Variants in CPS1 observed in about 807,000 individuals in gnomAD.
The protein encoded by CPS1 is carbamoyl-phosphate synthase 1, also known as carbamoyl-phosphate synthase [ammonia], mitochondrial.
In CPS1, 109 loss-of-function variants were observed where a neutral mutation model predicts 174.6. That is an observed-to-expected ratio of 0.62 (90% CI 0.53 to 0.73). The LOEUF (loss-of-function observed/expected upper bound fraction) is 0.73, where lower values mean the gene tolerates loss of function less well. Among genes scored for constraint, CPS1 ranks in the 30% least tolerant of loss-of-function variants. CPS1 has a pLI of 0.00. For missense variants in CPS1, 1,689 were observed against 1,821.9 expected (o/e 0.93, Z 1.33); for synonymous variants, 637 against 632.0 (o/e 1.01, Z -0.12).
chr2:210,616,699 G>GTT (rs76911251), intron 21 of CPS1, among the ~76,000 whole-genome samples, 158 bp downstream of exon 21: 1 of 141,228 alleles, frequency 7.1e-6, no homozygotes, highest in Non-Finnish European at 1.6e-5. Context: ...CAAATGGCAG[G>GTT]TTTTTTTTTT....
chr2:210,522,231 T>C (rs1466262147), intron 1 of CPS1, among the ~76,000 whole-genome samples: 1 of 151,976 alleles, frequency 6.6e-6, no homozygotes, highest in Non-Finnish European at 1.5e-5. Context: ...TTACCAGTAA[T>C]ATGATTTACA....
chr2:210,560,846 G>T (rs1400553428), intron 1 of CPS1, among the ~76,000 whole-genome samples: 1 of 152,124 alleles, frequency 6.6e-6, no homozygotes, highest in Non-Finnish European at 1.5e-5. Context: ...TGGGGATGGG[G>T]TTATCACACA....
chr2:210,614,675 A>C (rs907043428), intron 20 of CPS1, among the ~76,000 whole-genome samples: 1 of 151,972 alleles, frequency 6.6e-6, no homozygotes, highest in Non-Finnish European at 1.5e-5. Context: ...TAAATGTGGC[A>C]CATATACACC....
intron 1 of CPS1, among the ~76,000 whole-genome samples, chr2:210,518,434 C>T (rs968962903): frequency 2.6e-5 from 4 of 151,910 alleles, no homozygotes; most frequent in Non-Finnish European, 4.4e-5. Context: ...TAGATGTGGC[C>T]ATTTACTGTG....
intron 32 of CPS1, among the ~76,000 whole-genome samples, chr2:210,662,051 G>A (rs980956798): frequency 2.0e-5 from 3 of 151,310 alleles, no homozygotes; most frequent in Non-Finnish European, 2.9e-5. Flanking sequence ...AGGTAGCTGG[G>A]ATTATAAGCA....
chr2:210,629,141 G>A (rs1250293272), intron 21 of CPS1, among the ~76,000 whole-genome samples: 1 of 152,108 alleles, frequency 6.6e-6, no homozygotes, highest in Non-Finnish European at 1.5e-5. Flanking sequence ...AAAATCCAGA[G>A]TTTTGCTTAC....
chr2:210,668,107 T>TGTG, intron 33 of CPS1, 79 bp from the exon 34 acceptor site: 18 of 874,236 alleles, frequency 2.1e-5, no homozygotes, highest in Admixed American at 9.5e-5. Flanking sequence ...TGTGTGTGTA[T>TGTG]TTTAATTTTA....
At chr2:210,487,792 C>T (rs551761216) in intron 1 of CPS1, among the ~76,000 whole-genome samples, 1 of 152,162 alleles carries the variant, frequency 6.6e-6, no homozygotes, top group Admixed American at 6.5e-5. Context: ...TACCTTTGCA[C>T]ATGTTTGTGC....
chr2:210,518,424 T>C (rs1695736723), intron 1 of CPS1, among the ~76,000 whole-genome samples: 1 of 152,034 alleles, frequency 6.6e-6, no homozygotes, highest in Admixed American at 6.6e-5. Context: ...TTCTTGTAGA[T>C]AGATGTGGCC....
At position 210,543,374 on chromosome 2, in the gene CPS1, T is replaced by C. The variant is rs10169037; in HGVS notation, c.4-13345T>C. On this transcript the variant is annotated intron_variant, in intron 1 of 38. Transcript: ENST00000430249. ...GTCTGATTGCCTTTCAGATCTCTCC[T>C]GATAATCTCCCCTGCTTGGTTCAAT... is the stretch of plus-strand genomic sequence containing the variant. 1.2e-3 allele frequency among the ~76,000 whole-genome samples: 189 copies of C among 152,128 alleles called. 2 individuals carry two copies. Among genetic ancestry groups the C allele is most frequent in the African/African-American group, 4.4e-3 (184 of 41,522 alleles).
At chr2:210,531,929 T>G (rs949197383) in intron 1 of CPS1, among the ~76,000 whole-genome samples, 5 of 152,140 alleles carry the variant, frequency 3.3e-5, no homozygotes, top group Admixed American at 3.3e-4. Flanking sequence ...TATACTTCCA[T>G]GTTAAGTTAG....
chr2:210,581,740 A>C (rs533734744), intron 5 of CPS1, among the ~76,000 whole-genome samples: 1 of 152,288 alleles, frequency 6.6e-6, no homozygotes, highest in South Asian at 2.1e-4. Flanking sequence ...CTTGCATGAC[A>C]CATAGGTACT....
At chr2:210,661,144 G>A (rs1268990066) in intron 32 of CPS1, among the ~76,000 whole-genome samples, 1 of 152,170 alleles carries the variant, frequency 6.6e-6, no homozygotes, top group Non-Finnish European at 1.5e-5. Flanking sequence ...TGCTGTATAT[G>A]GTGCTGTGCG....
chr2:210,564,686 A>G (rs912527831), intron 1 of CPS1, among the ~76,000 whole-genome samples: 1 of 150,454 alleles, frequency 6.6e-6, no homozygotes, highest in Non-Finnish European at 1.5e-5. Context: ...TAGAATGCTC[A>G]TTTTAAAAGT....
chr2:210,541,053 G>T (rs1353439695), intron 1 of CPS1, among the ~76,000 whole-genome samples: 1 of 152,154 alleles, frequency 6.6e-6, no homozygotes, highest in Non-Finnish European at 1.5e-5. Context: ...GGATGGAGGG[G>T]TGGATATGCA....
Position 210,577,442 on chromosome 2 carries a change from G to T in CPS1, c.403G>T (p.Asp135Tyr), listed in dbSNP as rs1211504215. ...CTAGGTTTCAGGTTTGCTGGTGCTG[G>T]ATTATAGTAAAGACTACAACCACTG... ...GIKVSGLLVL[D>Y]YSKDYNHWLA... Residue 135 changes from aspartate (D) to tyrosine (Y), a missense_variant, in exon 4 of 38, where the codon GAT becomes TAT. By Grantham distance (160) the Asp-to-Tyr change is radical. Transcript: ENST00000233072. The T allele has an allele frequency of 6.2e-7, 1 of 1,613,818 alleles. No homozygotes were observed. Among genetic ancestry groups the T allele is most frequent in the Admixed American group, 1.7e-5 (1 of 59,978 alleles).
intron 1 of CPS1, among the ~76,000 whole-genome samples, chr2:210,508,767 C>G (rs62203704): frequency 0.41 from 61,812 of 152,044 alleles, 14,174 homozygotes; most frequent in Non-Finnish European, 0.53. Context: ...CGCAAATAAA[C>G]TAGAAAATCT....
chr2:210,663,346 AT>A, intron 33 of CPS1, 149 bp downstream of exon 33: 1 of 754,638 alleles, frequency 1.3e-6, no homozygotes, highest in Non-Finnish European at 2.2e-6. Context: ...TTTAAAAAAT[AT>A]TTTACTTCTA....
In CPS1 at chr2:210,648,508, C is replaced by T. The variant is rs1700454927; in HGVS notation, c.3372C>T (p.Tyr1124=). The T allele has an allele frequency of 1.9e-6, 3 of 1,613,478 alleles. No individual in the cohort carries two copies. The highest frequency in any genetic ancestry group is 1.7e-5 in the Admixed American group (1 of 60,000). ...EALEFAKSVD[Y]PCLLRPSYVL... Reference sequence around the variant, plus strand: ...TGGAATTTGCAAAGTCTGTGGACTACCCCTGCTTGTTGAGGCCTTCCTATG... The same window carrying T: ...TGGAATTTGCAAAGTCTGTGGACTATCCCTGCTTGTTGAGGCCTTCCTATG... The change falls in exon 27 of 38, where the codon TAC becomes TAT. Residue 1124 remains tyrosine (Y), a synonymous_variant. Coordinates refer to ENST00000233072, the MANE Select transcript of CPS1 (RefSeq NM_001875.5).
Sources: gnomAD v4.1 joint callset for allele counts (sites outside exome capture counted in the v4.1 genomes callset) on GRCh38, gnomAD v4.1.1 for gene constraint, MANE v1.5 for transcripts, NCBI Gene and HGNC (gene_info 2026-07-23, HGNC 2026-07-21) for gene names.